The following SV2C variants were observed in gnomAD, a reference collection of about 807,000 sequenced individuals.
SV2C encodes the protein solute carrier family 22 member B3.
SV2C carries 49 observed loss-of-function variants against 79.7 expected under a neutral mutation model. The observed-to-expected ratio is 0.61, with a 90% confidence interval of 0.49 to 0.78. SV2C has a LOEUF of 0.78. Ranked by LOEUF, SV2C falls within the 30% of genes least tolerant of loss-of-function variation. The pLI is 0.00. For missense variants in SV2C, 833 were observed against 912.9 expected, an observed-to-expected ratio of 0.91 and a Z score of 1.13; for synonymous variants, 334 against 333.2, an observed-to-expected ratio of 1.00 and a Z score of -0.03.
At chr5:75,884,855 C>G in the SV2C span, among the ~76,000 whole-genome samples, 2 of 151,956 alleles carry the variant, frequency 1.3e-5, no homozygotes, top group Non-Finnish European at 2.9e-5. Flanking sequence ...TTGTACAGAA[C>G]TTAGCAACAA....
intron 4 of SV2C, among the ~76,000 whole-genome samples, chr5:76,282,740 T>C (rs181158436): frequency 6.6e-6 from 1 of 152,300 alleles, no homozygotes; most frequent in East Asian, 1.9e-4. Context: ...CTAGGCACAG[T>C]GGCTCACACT....
the SV2C span, among the ~76,000 whole-genome samples, chr5:75,971,963 G>A: frequency 6.6e-6 from 1 of 152,086 alleles, no homozygotes; most frequent in Admixed American, 6.5e-5. Flanking sequence ...GCATGGTACT[G>A]GTACCAAAAC....
At chr5:76,311,406 A>C (rs1748435457) in intron 12 of SV2C, 1 of 152,244 alleles carries the variant, frequency 6.6e-6, no homozygotes, top group Admixed American at 6.5e-5. Flanking sequence ...GAGTGAGGTG[A>C]AGCGGGAAGA....
chr5:76,134,987 A>C (rs557623516), intron 2 of SV2C, among the ~76,000 whole-genome samples: 1 of 152,328 alleles, frequency 6.6e-6, no homozygotes, highest in South Asian at 2.1e-4. Context: ...CAGTCTAGAT[A>C]CCAAGTGTCA....
chr5:75,956,402 G>T, the SV2C span, among the ~76,000 whole-genome samples: 2 of 116,360 alleles, frequency 1.7e-5, no homozygotes, highest in African/African-American at 6.5e-5. Flanking sequence ...GTTGTGGGGT[G>T]GGGGGAGGGG....
chr5:76,169,001 A>T (rs1743131800), intron 2 of SV2C, among the ~76,000 whole-genome samples: 1 of 152,106 alleles, frequency 6.6e-6, no homozygotes, highest in South Asian at 2.1e-4. Context: ...TTTCCCTATT[A>T]ATTAATGAAC....
intron 4 of SV2C, among the ~76,000 whole-genome samples, chr5:76,266,349 A>C (rs1419095541): frequency 6.6e-6 from 1 of 152,116 alleles, no homozygotes; most frequent in Non-Finnish European, 1.5e-5. Flanking sequence ...CTGGGACTAC[A>C]AGCACGTGCC....
At chr5:75,905,315 G>T in the SV2C span, among the ~76,000 whole-genome samples, 4 of 152,178 alleles carry the variant, frequency 2.6e-5, no homozygotes, top group South Asian at 2.1e-4. Context: ...CAAATGCCAA[G>T]ATTCTGGCTG....
At chr5:76,041,553 C>A in the SV2C span, among the ~76,000 whole-genome samples, 1 of 152,174 alleles carries the variant, frequency 6.6e-6, no homozygotes, top group African/African-American at 2.4e-5. Flanking sequence ...GCAAGGAATT[C>A]TGGGATCCCA....
At chr5:75,964,120 G>C in the SV2C span, among the ~76,000 whole-genome samples, 1 of 152,028 alleles carries the variant, frequency 6.6e-6, no homozygotes, top group African/African-American at 2.4e-5. Context: ...CCAAGGACCT[G>C]TCTGTTCATG....
At chr5:75,926,508 CGGTGCCT>C in the SV2C span, among the ~76,000 whole-genome samples, 2 of 152,008 alleles carry the variant, frequency 1.3e-5, no homozygotes, top group African/African-American at 4.8e-5. Context: ...TTTTCCTGCT[CGGTGCCT>C]GAATTTTCTT....
intron 4 of SV2C, among the ~76,000 whole-genome samples, chr5:76,268,967 T>C (rs1746756052): frequency 6.6e-6 from 1 of 152,226 alleles, no homozygotes; most frequent in Non-Finnish European, 1.5e-5. Context: ...AAGTCGGTTT[T>C]CACACCTCTG....
At chr5:75,972,347 A>G in the SV2C span, among the ~76,000 whole-genome samples, 243 of 152,224 alleles carry the variant, frequency 1.6e-3, 1 homozygote, top group Admixed American at 0.015. Flanking sequence ...TAAACTAAAG[A>G]GCTTCTGCAC....
the SV2C span, among the ~76,000 whole-genome samples, chr5:75,855,244 TA>T: frequency 6.6e-6 from 1 of 152,086 alleles, no homozygotes; most frequent in Admixed American, 6.5e-5. Context: ...GATTAATCCC[TA>T]AACACTTAAT....
In SV2C at chr5:76,132,020, G is replaced by A. The variant is rs768591047; in HGVS notation, c.270G>A (p.Glu90=). Residue 90 remains glutamate (E), a synonymous_variant, in exon 2 of 13, where the codon GAG becomes GAA. Transcript: ENST00000502798. The part of the protein sequence containing the change: ...EGHDEDDEIY[E]GEYQGIPSMN... ...ATGATGAAGATGATGAGATCTATGA[G>A]GGGGAGTATCAGGGCATCCCCAGTA... The A allele has an allele frequency of 6.2e-6, 10 of 1,613,130 alleles. No individual in the cohort carries two copies. The East Asian group carries it at 2.0e-4, about 32-fold the overall frequency.
At chr5:76,306,688 A>G (rs1748205267) in intron 12 of SV2C, among the ~76,000 whole-genome samples, 1 of 152,220 alleles carries the variant, frequency 6.6e-6, no homozygotes, top group Admixed American at 6.5e-5. Flanking sequence ...GGCACATATA[A>G]ATGATAAATT....
intron 4 of SV2C, chr5:76,241,949 A>G: frequency 1.2e-6 from 1 of 801,164 alleles, no homozygotes; most frequent in South Asian, 1.4e-5. Flanking sequence ...CTGCATTTTT[A>G]TAAAACTTGA....
intron 2 of SV2C, among the ~76,000 whole-genome samples, chr5:76,141,778 C>T (rs1373659310): frequency 7.7e-6 from 1 of 129,122 alleles, no homozygotes; most frequent in Non-Finnish European, 1.5e-5. Flanking sequence ...GAGCCAAGAT[C>T]ACGCCACTGC....
At chr5:75,923,852 A>T in the SV2C span, among the ~76,000 whole-genome samples, 1 of 152,194 alleles carries the variant, frequency 6.6e-6, no homozygotes, top group Non-Finnish European at 1.5e-5. Flanking sequence ...CAGTATGGAG[A>T]GTCCTTAAAG....
Sources: allele counts gnomAD v4.1 joint callset (sites outside exome capture counted in the v4.1 genomes callset), GRCh38; gene constraint gnomAD v4.1.1; transcripts MANE v1.5; gene names NCBI Gene and HGNC (gene_info 2026-07-23, HGNC 2026-07-21).